Variants in SP8 observed in about 807,000 individuals in gnomAD.
SP8 encodes transcription factor Sp8.
SP8 carries 7 observed loss-of-function variants against 15.3 expected under a neutral mutation model. That is an observed-to-expected ratio of 0.46 (90% CI 0.26 to 0.86). The LOEUF (loss-of-function observed/expected upper bound fraction) is 0.86. SP8 is among the 40% of genes least tolerant of loss of function. SP8 has a pLI of 0.16. For missense variants in SP8, 731 were observed against 736.4 expected, an observed-to-expected ratio of 0.99 and a Z score of 0.09; for synonymous variants, 415 against 356.3, an observed-to-expected ratio of 1.16 and a Z score of -1.86.
At position 20,785,851 on chromosome 7, in the gene SP8, G is replaced by A; in HGVS notation, c.22-56C>T. Reference sequence around the variant, plus strand: ...AGGGGAGGTGGGCAAAGGGCCGGTGGGGGAGGAAAGGAAGAAATGTGCATC... The same window carrying A: ...AGGGGAGGTGGGCAAAGGGCCGGTGAGGGAGGAAAGGAAGAAATGTGCATC... On this transcript the variant is annotated intron_variant, in intron 1 of 1. Transcript: ENST00000418710. This position sits in a 1 kb window ranked among gnomAD's most constrained non-coding sequence, Gnocchi z 7.2. 6.5e-7 allele frequency: 1 copy of A among 1,529,318 alleles called. No homozygotes were observed. Among genetic ancestry groups the A allele is most frequent in the South Asian group, 1.2e-5 (1 of 85,028 alleles). 94.7% of individuals were successfully genotyped at this position (1,529,318 alleles called of 1,614,324 possible).
In SP8 at chr7:20,786,738, G is replaced by A; in HGVS notation, c.21+40C>T. 6.2e-7 allele frequency: 1 copy of A among 1,606,136 alleles called. No individual in the cohort carries two copies. Among genetic ancestry groups the A allele is most frequent in the Non-Finnish European group, 8.5e-7 (1 of 1,172,928 alleles). On this transcript the variant is annotated intron_variant, in intron 1 of 1. Coordinates refer to ENST00000418710, the MANE Select transcript of SP8 (RefSeq NM_182700.6). This position sits in a 1 kb window ranked among gnomAD's most constrained non-coding sequence, Gnocchi z 4.4. ...AACCCCCTCCAATCGGCAATAAAAG[G>A]AAACTAATTAAACCAGCAAGAGAAA...
chr7:20,786,716 C>A lies in SP8; in HGVS notation c.21+62G>T, dbSNP rs1783687104. On this transcript the variant is annotated intron_variant, in intron 1 of 1. Transcript: ENST00000418710. This position sits in a 1 kb window ranked among gnomAD's most constrained non-coding sequence, Gnocchi z 4.4. ...GTGGCCTGGCCGGGGCGACTTTAAC[C>A]CCCTCCAATCGGCAATAAAAGGAAA... 11 of 1,493,020 alleles carry A rather than the reference C, an allele frequency of 7.4e-6. No individual in the cohort carries two copies. The South Asian group carries it at 1.0e-4, about 14-fold the overall frequency. 92.5% of individuals were successfully genotyped at this position (1,493,020 alleles called of 1,614,324 possible).
In SP8 at chr7:20,784,818, C is replaced by A. The variant is rs781226998; in HGVS notation, c.999G>T (p.Leu333=). 6.5e-7 allele frequency: 1 copy of A among 1,526,810 alleles called. No homozygotes were observed. The highest frequency in any genetic ancestry group is 1.2e-5 in the South Asian group (1 of 83,110). The allele number at this position is 1,526,810 out of a possible 1,614,324, so 94.6% of individuals were successfully genotyped here. A position where few individuals can be genotyped will look rare whatever the true frequency, so the allele number is the denominator to read the frequency against. Residue 333 remains leucine (L), a synonymous_variant, in exon 2 of 2, where the codon CTG becomes CTT. Transcript: ENST00000418710. ...GAGCTGAGGAGCGCGGGGAGCCCCC[C>A]AGCGGCGCCGAAGGCCCAGCGCTCA... is the stretch of plus-strand genomic sequence containing the variant. ...SMLSAGPSAP[L]GGSPRSSARR...
Position 20,785,649 on chromosome 7 carries a change from G to A in SP8, c.168C>T (p.Ser56=). The change falls in exon 2 of 2, where the codon TCC becomes TCT. Residue 56 remains serine (S), a synonymous_variant. Coordinates refer to ENST00000418710, the MANE Select transcript of SP8 (RefSeq NM_182700.6). This position sits in a 1 kb window ranked among gnomAD's most constrained non-coding sequence, Gnocchi z 7.2. Reference sequence around the variant, plus strand: ...CTACGTTGCAGCTGGCGGAAGAAGAGGACGAGGAGCGTTTCCAGGGGTGGA... The same window carrying A: ...CTACGTTGCAGCTGGCGGAAGAAGAAGACGAGGAGCGTTTCCAGGGGTGGA... ...KGFHPWKRSS[S]SSSASCNVVG... 1 of 1,613,838 alleles carries A rather than the reference G, an allele frequency of 6.2e-7. No homozygotes were observed. Among genetic ancestry groups the A allele is most frequent in the Non-Finnish European group, 8.5e-7 (1 of 1,179,950 alleles).
Position 20,786,064 on chromosome 7 carries a change from T to C in SP8, c.22-269A>G. On this transcript the variant is annotated intron_variant, in intron 1 of 1. Coordinates refer to ENST00000418710, the MANE Select transcript of SP8 (RefSeq NM_182700.6). This position sits in a 1 kb window ranked among gnomAD's most constrained non-coding sequence, Gnocchi z 4.4. Reference sequence around the variant, plus strand: ...CCACGCTAAAGAAGAGTTTGACAAGTATTCTCACCTAAAACAACACTCTCT... The same window carrying C: ...CCACGCTAAAGAAGAGTTTGACAAGCATTCTCACCTAAAACAACACTCTCT... 1 of 1,321,118 alleles carries C rather than the reference T, an allele frequency of 7.6e-7. No homozygotes were observed. The highest frequency in any genetic ancestry group is 9.7e-7 in the Non-Finnish European group (1 of 1,028,968). The allele number at this position is 1,321,118 out of a possible 1,614,324, so 81.8% of individuals were successfully genotyped here.
chr7:20,784,852 C>G lies in SP8; in HGVS notation c.965G>C (p.Gly322Ala). ...CGAAGGCCCAGCGCTCAACATGGAGCCCCCCGCGCCGGCCAGCGGCGACGG... is the reference window on the plus strand; with the variant it reads ...CGAAGGCCCAGCGCTCAACATGGAGGCCCCCGCGCCGGCCAGCGGCGACGG... Reference protein sequence around the residue: ...SAPSPLAGAGGSMLSAGPSAP... With the variant: ...SAPSPLAGAGASMLSAGPSAP... The change falls in exon 2 of 2, where the codon GGC (glycine) becomes GCC (alanine). Residue 322 changes from glycine (G) to alanine (A), a missense_variant. Transcript: ENST00000418710. 1 of 1,525,460 alleles carries G rather than the reference C, an allele frequency of 6.6e-7. No individual in the cohort carries two copies. The highest frequency in any genetic ancestry group is 1.2e-5 in the South Asian group (1 of 82,948). 94.5% of individuals were successfully genotyped at this position (1,525,460 alleles called of 1,614,324 possible). A position where few individuals can be genotyped will look rare whatever the true frequency, so the allele number is the denominator to read the frequency against.
chr7:20,785,069 A>G lies in SP8; in HGVS notation c.748T>C (p.Ser250Pro). The change falls in exon 2 of 2, where the codon TCG (serine) becomes CCG (proline). Residue 250 changes from serine to proline, a missense_variant. Around this residue, in one of 3 missense-constraint regions of SP8, gnomAD observed 586 missense variants for 524.9 expected, o/e 1.12. Transcript: ENST00000418710. This position sits in a 1 kb window ranked among gnomAD's most constrained non-coding sequence, Gnocchi z 7.2. The stretch of plus-strand genomic sequence containing the variant: ...AGCCCCCCGGCGGCAGGGTGCAGCG[A>G]GCCGGGCAGCGCAGCCGCGCTGTTC... ...NPNSAAALPGSLHPAAGGLQT... is the reference protein window; with the variant it reads ...NPNSAAALPGPLHPAAGGLQT... The G allele has an allele frequency of 6.3e-7, 1 of 1,580,242 alleles. No homozygotes were observed. Among genetic ancestry groups the G allele is most frequent in the East Asian group, 2.3e-5 (1 of 43,360 alleles).
rs1783578240 is a variant in SP8 at position 20,783,975 on chromosome 7, G to T, written c.*315C>A. ...GCCCTTCACAACCTGGGGGGTGGAG[G>T]AGGGGAGGACAAGGAAGAGAGAACG... On this transcript the variant is annotated 3_prime_UTR_variant, in exon 2 of 2. Transcript: ENST00000418710. The T allele has an allele frequency of 5.3e-6, 2 of 378,316 alleles. No individual in the cohort carries two copies. The highest frequency in any genetic ancestry group is 9.3e-6 in the Non-Finnish European group (2 of 216,136). The allele number at this position is 378,316 out of a possible 1,614,324, so 23.4% of individuals were successfully genotyped here.
Position 20,785,470 on chromosome 7 carries a change from A to G in SP8, c.347T>C (p.Phe116Ser). 1.6e-6 allele frequency: 2 copies of G among 1,220,544 alleles called. No individual in the cohort carries two copies. Among genetic ancestry groups the G allele is most frequent in the Non-Finnish European group, 2.1e-6 (2 of 969,108 alleles). 75.6% of individuals were successfully genotyped at this position (1,220,544 alleles called of 1,614,324 possible). Residue 116 changes from phenylalanine (F) to serine (S), a missense_variant, in exon 2 of 2, where the codon TTC becomes TCC. Around this residue, in one of 3 missense-constraint regions of SP8, gnomAD observed 586 missense variants for 524.9 expected, o/e 1.12. Transcript: ENST00000418710. The surrounding 1 kb of genome is among the most constrained non-coding windows in gnomAD (Gnocchi z 7.2). Reference protein sequence around the residue: ...SCGGSPGSSAFSLTSSSAAAA... With the variant: ...SCGGSPGSSASSLTSSSAAAA... ...TGCGGCGCTGCTGGAGGTGAGGGAG[A>G]AGGCGCTGGAGCCAGGCGAGCCGCC...
In SP8 at chr7:20,784,023, G is replaced by GATT; in HGVS notation, c.*266_*267insAAT. On this transcript the variant is annotated 3_prime_UTR_variant, in exon 2 of 2. Coordinates refer to ENST00000418710, the MANE Select transcript of SP8 (RefSeq NM_182700.6). ...ACGAGAAATAAAGGCCCGACGAGGCGCGGGTTCCGGCTGCAACGGGTTCAG... is the reference window on the plus strand; with the variant it reads ...ACGAGAAATAAAGGCCCGACGAGGCGATTCGGGTTCCGGCTGCAACGGGTTCAG... The GATT allele has an allele frequency of 2.3e-6, 1 of 437,334 alleles. No homozygotes were observed. The highest frequency in any genetic ancestry group is 3.9e-6 in the Non-Finnish European group (1 of 254,076). 27.1% of individuals were successfully genotyped at this position (437,334 alleles called of 1,614,324 possible).
In SP8 at chr7:20,784,860, G is replaced by T. The variant is rs1489862664; in HGVS notation, c.957C>A (p.Gly319=). Residue 319 remains glycine (G), a synonymous_variant, in exon 2 of 2, where the codon GGC becomes GGA. Transcript: ENST00000418710. ...CAGCGCTCAACATGGAGCCCCCCGC[G>T]CCGGCCAGCGGCGACGGGGCCGAGT... ...YPDSAPSPLA[G]AGGSMLSAGP... 1 of 1,525,480 alleles carries T rather than the reference G, an allele frequency of 6.6e-7. No individual in the cohort carries two copies. Among genetic ancestry groups the T allele is most frequent in the South Asian group, 1.2e-5 (1 of 82,962 alleles). The allele number at this position is 1,525,480 out of a possible 1,614,324, so 94.5% of individuals were successfully genotyped here.
chr7:20,786,782 A>G lies in SP8; in HGVS notation c.17T>C (p.Leu6Pro). 1 of 1,613,620 alleles carries G rather than the reference A, an allele frequency of 6.2e-7. No individual in the cohort carries two copies. The highest frequency in any genetic ancestry group is 8.5e-7 in the Non-Finnish European group (1 of 1,179,508). Residue 6 changes from leucine to proline, a missense_variant, in exon 1 of 2, where the codon CTA becomes CCA. By Grantham distance (98) the Leu-to-Pro change is moderately conservative. Transcript: ENST00000418710. The surrounding 1 kb of genome is among the most constrained non-coding windows in gnomAD (Gnocchi z 4.4). ...AGAGAAAATCCTGAGACTCACCCCT[A>G]GAAGTGAAGTTGCCATCACACAAAA... is the stretch of plus-strand genomic sequence containing the variant. MATSL[L>P]GEEPRLGSTP... is the part of the protein sequence containing the mutation.
rs547758415 is a variant in SP8 at position 20,783,495 on chromosome 7, GT to G, written c.*794del. 6.6e-6 allele frequency: 1 copy of G among 152,172 alleles called. No homozygotes were observed. Among genetic ancestry groups the G allele is most frequent in the Non-Finnish European group, 1.5e-5 (1 of 68,012 alleles). The allele number at this position is 152,172 out of a possible 1,614,324, so 9.4% of individuals were successfully genotyped here. On this transcript the variant is annotated 3_prime_UTR_variant, in exon 2 of 2. Transcript: ENST00000418710. ...ATGGAAGGTTGCTATTTTCCCCCTAGTTTTTTTAAAAATAAAATATATGCTA... is the reference window on the plus strand; with the variant it reads ...ATGGAAGGTTGCTATTTTCCCCCTAGTTTTTTAAAAATAAAATATATGCTA...
At position 20,783,152 on chromosome 7, in the gene SP8, C is replaced by A. The variant is rs1783544404; in HGVS notation, c.*1138G>T. ...TTAAATCACACACAAAAAAGTTTAA[C>A]CCTACGATCTTCATGAATTGAGAGA... On this transcript the variant is annotated 3_prime_UTR_variant, in exon 2 of 2. Coordinates refer to ENST00000418710, the MANE Select transcript of SP8 (RefSeq NM_182700.6). 1 of 17,584 alleles carries A rather than the reference C, an allele frequency of 5.7e-5. No homozygotes were observed. The highest frequency in any genetic ancestry group is 7.8e-4 in the Admixed American group (1 of 1,284). 1.1% of individuals were successfully genotyped at this position (17,584 alleles called of 1,614,324 possible).
chr7:20,785,435 C>T lies in SP8; in HGVS notation c.382G>A (p.Ala128Thr). Residue 128 changes from alanine to threonine, a missense_variant, in exon 2 of 2, where the codon GCC becomes ACC. Ala to Thr is a moderately conservative substitution (Grantham distance 58). Transcript: ENST00000418710. This position sits in a 1 kb window ranked among gnomAD's most constrained non-coding sequence, Gnocchi z 7.2. ...LTSSSAAAAA[A>T]AAAAAASSSP... ...CTGGAGGCGGCGGCTGCGGCGGCGG[C>T]GGCGGCGGCTGCGGCGCTGCTGGAG... The T allele has an allele frequency of 3.4e-6, 4 of 1,163,016 alleles. No homozygotes were observed. The highest frequency in any genetic ancestry group is 3.3e-5 in the Admixed American group (1 of 30,156). 72.0% of individuals were successfully genotyped at this position (1,163,016 alleles called of 1,614,324 possible). A position where few individuals can be genotyped will look rare whatever the true frequency, so the allele number is the denominator to read the frequency against.
In SP8 at chr7:20,785,581, C is replaced by G; in HGVS notation, c.236G>C (p.Arg79Thr). ...LSSFGVSGAS[R>T]NGGSSSAAAA... is the part of the protein sequence containing the mutation. ...AGCCGCCGAGGACGAGCCGCCGTTC[C>G]TGGAGGCCCCGGACACGCCGAAGCT... The change falls in exon 2 of 2, where the codon AGG becomes ACG. Residue 79 changes from arginine to threonine, a missense_variant. Transcript: ENST00000418710. This position sits in a 1 kb window ranked among gnomAD's most constrained non-coding sequence, Gnocchi z 7.2. The G allele has an allele frequency of 6.2e-7, 1 of 1,602,866 alleles. No individual in the cohort carries two copies. The highest frequency in any genetic ancestry group is 8.5e-7 in the Non-Finnish European group (1 of 1,175,012).
rs1448449819 is a variant in SP8 at position 20,784,937 on chromosome 7, C to T, written c.880G>A (p.Gly294Arg). ...TTGAAGCCGTCCATGAGGTGCTGCCCGGCGGGGCTGAGCAGGTGCGAGGAG... is the reference window on the plus strand; with the variant it reads ...TTGAAGCCGTCCATGAGGTGCTGCCTGGCGGGGCTGAGCAGGTGCGAGGAG... ...GASSHLLSPA[G>R]QHLMDGFKPV... The change falls in exon 2 of 2, where the codon GGG becomes AGG. Residue 294 changes from glycine to arginine, a missense_variant. Around this residue, in one of 3 missense-constraint regions of SP8, gnomAD observed 586 missense variants for 524.9 expected, o/e 1.12. Coordinates refer to ENST00000418710, the MANE Select transcript of SP8 (RefSeq NM_182700.6). 1.9e-5 allele frequency: 30 copies of T among 1,552,748 alleles called. No homozygotes were observed. The highest frequency in any genetic ancestry group is 2.6e-5 in the Non-Finnish European group (30 of 1,156,252).
chr7:20,786,148 A>G lies in SP8; in HGVS notation c.22-353T>C. ...AAGCAAAAAGTCCAGATTGGAGAGG[A>G]AGGAAGTTTTCTTTGCCGAGAAGCC... On this transcript the variant is annotated intron_variant, in intron 1 of 1. Transcript: ENST00000418710. The surrounding 1 kb of genome is among the most constrained non-coding windows in gnomAD (Gnocchi z 4.4). 1.8e-6 allele frequency: 1 copy of G among 570,020 alleles called. No homozygotes were observed. Among genetic ancestry groups the G allele is most frequent in the South Asian group, 6.7e-5 (1 of 14,816 alleles). The allele number at this position is 570,020 out of a possible 1,614,324, so 35.3% of individuals were successfully genotyped here. A position where few individuals can be genotyped will look rare whatever the true frequency, so the allele number is the denominator to read the frequency against.
chr7:20,786,185 C>G lies in SP8; in HGVS notation c.22-390G>C, dbSNP rs1783673767. 6 of 305,746 alleles carry G rather than the reference C, an allele frequency of 2.0e-5. No homozygotes were observed. The highest frequency in any genetic ancestry group is 3.1e-5 in the Non-Finnish European group (6 of 195,740). The allele number at this position is 305,746 out of a possible 1,614,324, so 18.9% of individuals were successfully genotyped here. ...TTTGCCGAGAAGCCTGGGGGAAAAC[C>G]ATTGGATTGCTTTTAAGAGCGCTTC... On this transcript the variant is annotated intron_variant, in intron 1 of 1. Coordinates refer to ENST00000418710, the MANE Select transcript of SP8 (RefSeq NM_182700.6). This position sits in a 1 kb window ranked among gnomAD's most constrained non-coding sequence, Gnocchi z 4.4.
Sources: gnomAD v4.1 joint callset for allele counts on GRCh38, gnomAD v4.1.1 for gene constraint, gnomAD v4.1.1 regional missense constraint, Gnocchi (gnomAD v3.1) non-coding constraint, MANE v1.5 for transcripts, NCBI Gene and HGNC (gene_info 2026-07-23, HGNC 2026-07-21) for gene names.